The following ABHD16A variants were observed in gnomAD, a reference collection of about 807,000 sequenced individuals.
ABHD16A encodes phosphatidylserine lipase ABHD16A.
Under a neutral mutation model 89.8 loss-of-function variants are expected in ABHD16A, and 47 were observed. The ratio of observed to expected loss-of-function variants is 0.52; its 90% confidence interval spans 0.41 to 0.67. The LOEUF (loss-of-function observed/expected upper bound fraction) is 0.67. Among genes scored for constraint, ABHD16A ranks in the 30% least tolerant of loss-of-function variants. ABHD16A has a pLI of 0.00. For missense variants in ABHD16A, 580 were observed against 734.6 expected, an observed-to-expected ratio of 0.79 and a Z score of 2.43; for synonymous variants, 251 against 280.4, an observed-to-expected ratio of 0.90 and a Z score of 1.05.
chr6:31,695,688 A>T (rs1804318887), intron 5 of ABHD16A, among the ~76,000 whole-genome samples: 1 of 151,724 alleles, frequency 6.6e-6, no homozygotes, highest in East Asian at 1.9e-4. Context: ...ATGCCATTGC[A>T]CGCCAGCCTG....
Position 31,701,287 on chromosome 6 carries a change from G to C in ABHD16A, c.243C>G (p.Tyr81Ter). ...AACCACACTGACCTTTCCTGTACAAGTAGAAGAAGGCGAAGGGAGAGGAGT... is the reference window on the plus strand; with the variant it reads ...AACCACACTGACCTTTCCTGTACAACTAGAAGAAGGCGAAGGGAGAGGAGT... ...SYYSSPFAFFYLYRKGYLSLS... is the reference protein window; with the variant it reads ...SYYSSPFAFF Residue 81 changes from tyrosine (Y) to a stop codon, truncating the protein, a stop_gained, in exon 3 of 20, where the codon TAC becomes TAG. Coordinates refer to ENST00000395952, the MANE Select transcript of ABHD16A (RefSeq NM_021160.3). LOFTEE classifies it high-confidence loss of function. 6.2e-7 allele frequency: 1 copy of C among 1,613,290 alleles called. No individual in the cohort carries two copies. The highest frequency in any genetic ancestry group is 2.2e-5 in the East Asian group (1 of 44,808).
At position 31,690,606 on chromosome 6, in the gene ABHD16A, G is replaced by A. The variant is rs184095096; in HGVS notation, c.844-4C>T. On this transcript the variant is annotated splice_region_variant and splice_polypyrimidine_tract_variant and intron_variant, in intron 9 of 19. Transcript: ENST00000395952. The surrounding 1 kb of genome is among the most constrained non-coding windows in gnomAD (Gnocchi z 4.1). ...CATTCCCCTCACAGCAGATCACCTA[G>A]GAAGGAGGCAGGAAGGAAGGGCTGG... The A allele has an allele frequency of 6.4e-4, 1,025 of 1,612,932 alleles. 8 individuals carry two copies. In the African/African-American group the frequency reaches 8.8e-3, roughly 14 times the overall value.
chr6:31,692,944 T>A, intron 7 of ABHD16A, 83 bp downstream of exon 7: 1 of 1,589,310 alleles, frequency 6.3e-7, no homozygotes, highest in East Asian at 2.2e-5. Flanking sequence ...TGACAGCTAT[T>A]TTACAATGGA....
At position 31,698,125 on chromosome 6, in the gene ABHD16A, T is replaced by C. The variant is rs1583708727; in HGVS notation, c.344-1092A>G. ...TAATACATACTGCTTATAGATACCATATTTCATAGATTCTAAAATGTATAT... is the reference window on the plus strand; with the variant it reads ...TAATACATACTGCTTATAGATACCACATTTCATAGATTCTAAAATGTATAT... On this transcript the variant is annotated intron_variant, in intron 4 of 19. Transcript: ENST00000395952. This position sits in a 1 kb window ranked among gnomAD's most constrained non-coding sequence, Gnocchi z 4.1. 6.6e-6 allele frequency among the ~76,000 whole-genome samples: 1 copy of C among 152,308 alleles called. No homozygotes were observed. Among genetic ancestry groups the C allele is most frequent in the African/African-American group, 2.4e-5 (1 of 41,566 alleles).
Position 31,691,627 on chromosome 6 carries a change from G to A in ABHD16A, c.795C>T (p.Thr265=), listed in dbSNP as rs1179058379. The A allele has an allele frequency of 1.2e-6, 2 of 1,612,736 alleles. No homozygotes were observed. Among genetic ancestry groups the A allele is most frequent in the Non-Finnish European group, 1.7e-6 (2 of 1,179,980 alleles). Residue 265 remains threonine, a synonymous_variant, in exon 9 of 20, where the codon ACC becomes ACT. Transcript: ENST00000395952. The stretch of plus-strand genomic sequence containing the variant: ...CTGTCCCCCGCCGGTCCACAAACAT[G>A]GTGTCAATCTCATTGCCATCACAGG... ...LLACDGNEID[T]MFVDRRGTAE... is the part of the protein sequence containing the mutation.
intron 1 of ABHD16A, chr6:31,702,704 TAA>T: frequency 6.5e-7 from 1 of 1,544,648 alleles, no homozygotes; most frequent in Non-Finnish European, 8.7e-7. Flanking sequence ...ACAGGATCTG[TAA>T]AAGTCATTCT....
At chr6:31,697,179 A>T (rs994389451) in intron 4 of ABHD16A, 146 bp from the exon 5 acceptor site, 3 of 707,194 alleles carry the variant, frequency 4.2e-6, no homozygotes, top group Non-Finnish European at 7.1e-6. Context: ...GATGCGGAGA[A>T]ATAGATGTGA....
intron 4 of ABHD16A, 130 bp from the exon 5 acceptor site, chr6:31,697,163 G>T: frequency 1.3e-6 from 1 of 780,568 alleles, no homozygotes. Context: ...GGAACTGAGG[G>T]CATAGGATGC....
intron 4 of ABHD16A, among the ~76,000 whole-genome samples, chr6:31,699,339 G>A (rs989395812): frequency 6.7e-6 from 1 of 150,344 alleles, no homozygotes; most frequent in Non-Finnish European, 1.5e-5. Context: ...AACCCGGGAG[G>A]CGGAGCTTGC....
At position 31,689,269 on chromosome 6, in the gene ABHD16A, G is replaced by C. The variant is rs543316915; in HGVS notation, c.1082-150C>G. 1.4e-5 allele frequency: 11 copies of C among 790,192 alleles called. No homozygotes were observed. The African/African-American group carries it at 1.7e-4, about 13-fold the overall frequency. 48.9% of individuals were successfully genotyped at this position (790,192 alleles called of 1,614,324 possible). A position where few individuals can be genotyped will look rare whatever the true frequency, so the allele number is the denominator to read the frequency against. On this transcript the variant is annotated intron_variant, in intron 12 of 19. Coordinates refer to ENST00000395952, the MANE Select transcript of ABHD16A (RefSeq NM_021160.3). ...TCTTAACCTACTTCACTTGGTTAGG[G>C]AACTATCTGGAGAGGATGGGGATAG... is the stretch of plus-strand genomic sequence containing the variant.
chr6:31,695,886 C>T (rs1349734372), intron 5 of ABHD16A, among the ~76,000 whole-genome samples: 1 of 152,076 alleles, frequency 6.6e-6, no homozygotes, highest in Non-Finnish European at 1.5e-5. Context: ...CAAAAATTGG[C>T]CAGGCACGGT....
chr6:31,702,252 C>T, intron 1 of ABHD16A, 122 bp from the exon 2 acceptor site: 1 of 945,920 alleles, frequency 1.1e-6, no homozygotes, highest in Non-Finnish European at 1.6e-6. Context: ...CTTGAAACAT[C>T]CCTGGCCCCC....
At chr6:31,692,382 C>T (rs1803974962) in intron 7 of ABHD16A, 1 of 160,714 alleles carries the variant, frequency 6.2e-6, no homozygotes, top group African/African-American at 2.4e-5. Context: ...CTAAGTCCAC[C>T]CTGTTCCTTG....
intron 4 of ABHD16A, among the ~76,000 whole-genome samples, chr6:31,699,021 G>A (rs1804646499): frequency 6.6e-6 from 1 of 152,110 alleles, no homozygotes; most frequent in Admixed American, 6.5e-5. Flanking sequence ...CTATCACCTA[G>A]GTCAACAAAG....
chr6:31,698,407 T>TA lies in ABHD16A; in HGVS notation c.344-1375dup, dbSNP rs376343237. ...AAAGCAAATATCACAAAACTATATA[T>TA]AAAAAAAAAATCACAAAACTATACA... On this transcript the variant is annotated intron_variant, in intron 4 of 19. Transcript: ENST00000395952. This position sits in a 1 kb window ranked among gnomAD's most constrained non-coding sequence, Gnocchi z 4.1. Among the ~76,000 whole-genome samples the TA allele has an allele frequency of 0.052, 7,807 of 149,806 alleles. 356 individuals carry two copies. The highest frequency in any genetic ancestry group is 0.12 in the African/African-American group (4,977 of 40,976).
intron 5 of ABHD16A, among the ~76,000 whole-genome samples, chr6:31,694,057 CTTT>C (rs35205600): frequency 4.2e-5 from 6 of 142,720 alleles, no homozygotes; most frequent in Admixed American, 1.4e-4. Context: ...GTCCACATGC[CTTT>C]TTTTTTTTTT....
In ABHD16A at chr6:31,700,985, A is replaced by C; in HGVS notation, c.300T>G (p.Ala100=). 3 of 1,614,058 alleles carry C rather than the reference A, an allele frequency of 1.9e-6. No homozygotes were observed. In the South Asian group the frequency reaches 3.3e-5, roughly 18 times the overall value. Reference sequence around the variant, plus strand: ...CTGCCAGAAGTAGCAGCAATGTCCCAGCATAGTGAGAAAACGGCACCACTT... The same window carrying C: ...CTGCCAGAAGTAGCAGCAATGTCCCCGCATAGTGAGAAAACGGCACCACTT... ...LSKVVPFSHY[A]GTLLLLLAGV... The change falls in exon 4 of 20, where the codon GCT becomes GCG. Residue 100 remains alanine (A), a synonymous_variant. Coordinates refer to ENST00000395952, the MANE Select transcript of ABHD16A (RefSeq NM_021160.3).
intron 4 of ABHD16A, among the ~76,000 whole-genome samples, chr6:31,699,365 C>A (rs1159475611): frequency 2.1e-5 from 3 of 143,602 alleles, no homozygotes; most frequent in Non-Finnish European, 3.0e-5. Flanking sequence ...GCCGAGATCG[C>A]GCCACTGCAC....
At position 31,698,137 on chromosome 6, in the gene ABHD16A, T is replaced by A. The variant is rs1428406778; in HGVS notation, c.344-1104A>T. 6.6e-6 allele frequency among the ~76,000 whole-genome samples: 1 copy of A among 152,176 alleles called. No individual in the cohort carries two copies. The highest frequency in any genetic ancestry group is 6.5e-5 in the Admixed American group (1 of 15,280). The stretch of plus-strand genomic sequence containing the variant: ...CTTATAGATACCATATTTCATAGAT[T>A]CTAAAATGTATATTTTTTAACCCTT... On this transcript the variant is annotated intron_variant, in intron 4 of 19. Transcript: ENST00000395952. The surrounding 1 kb of genome is among the most constrained non-coding windows in gnomAD (Gnocchi z 4.1).
Sources: allele counts gnomAD v4.1 joint callset (sites outside exome capture counted in the v4.1 genomes callset), GRCh38; gene constraint gnomAD v4.1.1; non-coding constraint Gnocchi (gnomAD v3.1); transcripts MANE v1.5; gene names NCBI Gene and HGNC (gene_info 2026-07-23, HGNC 2026-07-21).